Variants in MRPL19 observed in about 807,000 individuals in gnomAD.
The protein encoded by MRPL19 is large ribosomal subunit protein bL19m.
A neutral mutation model predicts 34.0 loss-of-function variants in MRPL19; 31 were observed. That is an observed-to-expected ratio of 0.91 (90% CI 0.68 to 1.23). The LOEUF (loss-of-function observed/expected upper bound fraction) is 1.23. MRPL19 is among the 50% of genes most tolerant of loss of function. The pLI, the probability that MRPL19 is intolerant of heterozygous loss-of-function variation, is 0.00. For missense variants in MRPL19, 384 were observed against 367.6 expected (o/e 1.04, Z -0.37); for synonymous variants, 152 against 127.7 (o/e 1.19, Z -1.28).
intron 1 of MRPL19, 77 bp from the exon 2 acceptor site, chr2:75,647,025 G>C (rs1678236985): frequency 4.7e-6 from 7 of 1,493,468 alleles, no homozygotes. Context: ...GGGACGCCGG[G>C]TTGGGGGAGA....
Position 75,655,196 on chromosome 2 carries a change from T to C in MRPL19, c.790T>C (p.Trp264Arg). 1 of 1,613,646 alleles carries C rather than the reference T, an allele frequency of 6.2e-7. No individual in the cohort carries two copies. Among genetic ancestry groups the C allele is most frequent in the Non-Finnish European group, 8.5e-7 (1 of 1,179,764 alleles). ...AGAAGCTCAGAAGTGGAATCAGCCA[T>C]GGCTTGAATTTGATATGATGAGGGA... The part of the protein sequence containing the change: ...MKEAQKWNQP[W>R]LEFDMMREYD... Residue 264 changes from tryptophan (W) to arginine (R), a missense_variant, in exon 6 of 6, where the codon TGG (tryptophan) becomes CGG (arginine). Coordinates refer to ENST00000393909, the MANE Select transcript of MRPL19 (RefSeq NM_014763.4).
At chr2:75,648,192 G>A (rs1002769097) in intron 2 of MRPL19, among the ~76,000 whole-genome samples, 1 of 152,038 alleles carries the variant, frequency 6.6e-6, no homozygotes, top group Non-Finnish European at 1.5e-5. Context: ...CTTTTAAACA[G>A]TGGCATTTAA....
In MRPL19 at chr2:75,655,305, TA is replaced by T; in HGVS notation, c.*21del. ...TCTTGATTCTGAGAATGAATTTGGTTAGTTGCAGAAGATACATTGGCTCTAA... is the reference window on the plus strand; with the variant it reads ...TCTTGATTCTGAGAATGAATTTGGTTGTTGCAGAAGATACATTGGCTCTAA... On this transcript the variant is annotated 3_prime_UTR_variant, in exon 6 of 6. Coordinates refer to ENST00000393909, the MANE Select transcript of MRPL19 (RefSeq NM_014763.4). The T allele has an allele frequency of 6.3e-7, 1 of 1,578,840 alleles. No individual in the cohort carries two copies.
Position 75,646,807 on chromosome 2 carries a change from C to T in MRPL19, c.-1C>T. 1 of 1,516,148 alleles carries T rather than the reference C, an allele frequency of 6.6e-7. No homozygotes were observed. Among genetic ancestry groups the T allele is most frequent in the Non-Finnish European group, 8.8e-7 (1 of 1,130,986 alleles). 93.9% of individuals were successfully genotyped at this position (1,516,148 alleles called of 1,614,324 possible). A position where few individuals can be genotyped will look rare whatever the true frequency, so the allele number is the denominator to read the frequency against. On this transcript the variant is annotated 5_prime_UTR_variant, in exon 1 of 6. Coordinates refer to ENST00000393909, the MANE Select transcript of MRPL19 (RefSeq NM_014763.4). Reference sequence around the variant, plus strand: ...TGTAGTCTTGACGTGAGCTAGCTGGCATGGCGGCCTGCATTGCAGCGGGGC... The same window carrying T: ...TGTAGTCTTGACGTGAGCTAGCTGGTATGGCGGCCTGCATTGCAGCGGGGC...
In MRPL19 at chr2:75,660,248, GTC is replaced by G. The variant is rs1181630685; in HGVS notation, c.*4967_*4968del. On this transcript the variant is annotated 3_prime_UTR_variant, in exon 6 of 6. Transcript: ENST00000393909. ...ATTGATATTCTCATTTTGTTCATAT[GTC>G]TCTTTCTTCCTTTAGTTCTTTGTCC... Among the ~76,000 whole-genome samples, 1 of 151,940 alleles carries G rather than the reference GTC, an allele frequency of 6.6e-6. No homozygotes were observed. The highest frequency in any genetic ancestry group is 2.4e-5 in the African/African-American group (1 of 41,368).
intron 3 of MRPL19, 46 bp downstream of exon 3, chr2:75,652,306 A>G (rs780886542): frequency 2.0e-5 from 28 of 1,388,018 alleles, no homozygotes; most frequent in Non-Finnish European, 2.7e-5. Flanking sequence ...TAGGATGGCT[A>G]GTTTGTGATT....
At chr2:75,651,278 G>C in intron 2 of MRPL19, 1 of 504,974 alleles carries the variant, frequency 2.0e-6, no homozygotes, top group South Asian at 1.5e-5. Context: ...TCAGGGACAC[G>C]ATGTGCTGCA....
At position 75,655,112 on chromosome 2, in the gene MRPL19, C is replaced by T; in HGVS notation, c.706C>T (p.Pro236Ser). 1 of 1,608,552 alleles carries T rather than the reference C, an allele frequency of 6.2e-7. No individual in the cohort carries two copies. Among genetic ancestry groups the T allele is most frequent in the Middle Eastern group, 1.7e-4 (1 of 5,944 alleles). The stretch of plus-strand genomic sequence containing the variant: ...GCCCTGGTCTAAACGCTGGGAACGT[C>T]CAAATTTTAATATTAAAGGAATCAG... ...PKPWSKRWER[P>S]NFNIKGIRFD... Residue 236 changes from proline (P) to serine (S), a missense_variant, in exon 6 of 6, where the codon CCA becomes TCA. Pro to Ser is a moderately conservative substitution (Grantham distance 74). Coordinates refer to ENST00000393909, the MANE Select transcript of MRPL19 (RefSeq NM_014763.4).
At position 75,646,850 on chromosome 2, in the gene MRPL19, C is replaced by G. The variant is rs1678231247; in HGVS notation, c.43C>G (p.Leu15Val). Residue 15 changes from leucine (L) to valine (V), a missense_variant, in exon 1 of 6, where the codon CTA becomes GTA. By Grantham distance (32) the Leu-to-Val change is conservative. Transcript: ENST00000393909. ...AGCGGGGCACTGGGCTGCAATGGGC[C>G]TAGGCCGGAGTTTCCAAGCCGCCAG... ...IAAGHWAAMG[L>V]GRSFQAARTL... 1 of 1,596,782 alleles carries G rather than the reference C, an allele frequency of 6.3e-7. No individual in the cohort carries two copies. Among genetic ancestry groups the G allele is most frequent in the Non-Finnish European group, 8.5e-7 (1 of 1,172,324 alleles).
intron 2 of MRPL19, among the ~76,000 whole-genome samples, chr2:75,650,916 C>A (rs1290359729): frequency 6.6e-6 from 1 of 152,130 alleles, no homozygotes; most frequent in Non-Finnish European, 1.5e-5. Context: ...ACAGCACCTT[C>A]TGATTGGAAG....
In MRPL19 at chr2:75,655,787, TATC is replaced by T. The variant is rs1240673416; in HGVS notation, c.*506_*508del. 1 of 152,156 alleles carries T rather than the reference TATC, an allele frequency of 6.6e-6. No homozygotes were observed. The highest frequency in any genetic ancestry group is 2.4e-5 in the African/African-American group (1 of 41,398). The allele number at this position is 152,156 out of a possible 1,614,324, so 9.4% of individuals were successfully genotyped here. ...TATCTCTCTCCTTTTTAAATGTAAA[TATC>T]ATCTTGACTTGTTAATTATTCCCTT... On this transcript the variant is annotated 3_prime_UTR_variant, in exon 6 of 6. Transcript: ENST00000393909.
intron 2 of MRPL19, among the ~76,000 whole-genome samples, chr2:75,648,687 C>T (rs1303169577): frequency 2.7e-5 from 4 of 150,620 alleles, no homozygotes; most frequent in Admixed American, 2.0e-4. Flanking sequence ...GCGAAACCCC[C>T]ATTTCTACTA....
Position 75,655,114 on chromosome 2 carries a change from A to G in MRPL19, c.708A>G (p.Pro236=), listed in dbSNP as rs1226390185. 2.0e-5 allele frequency: 32 copies of G among 1,612,340 alleles called. No homozygotes were observed. Among genetic ancestry groups the G allele is most frequent in the Non-Finnish European group, 2.7e-5 (32 of 1,179,544 alleles). ...PKPWSKRWER[P]NFNIKGIRFD... is the part of the protein sequence containing the mutation. The stretch of plus-strand genomic sequence containing the variant: ...CCTGGTCTAAACGCTGGGAACGTCC[A>G]AATTTTAATATTAAAGGAATCAGAT... The change falls in exon 6 of 6, where the codon CCA becomes CCG. Residue 236 remains proline (P), a synonymous_variant. Transcript: ENST00000393909.
Position 75,655,179 on chromosome 2 carries a change from A to T in MRPL19, c.773A>T (p.Gln258Leu). Residue 258 changes from glutamine to leucine, a missense_variant, in exon 6 of 6, where the codon CAG becomes CTG. Gln to Leu is a moderately radical substitution (Grantham distance 113). Transcript: ENST00000393909. Reference protein sequence around the residue: ...CLTEQQMKEAQKWNQPWLEFD... With the variant: ...CLTEQQMKEALKWNQPWLEFD... ...ACTGAACAGCAAATGAAAGAAGCTC[A>T]GAAGTGGAATCAGCCATGGCTTGAA... The T allele has an allele frequency of 6.2e-7, 1 of 1,613,462 alleles. No individual in the cohort carries two copies. Among genetic ancestry groups the T allele is most frequent in the South Asian group, 1.1e-5 (1 of 91,054 alleles).
chr2:75,652,530 T>A lies in MRPL19; in HGVS notation c.348T>A (p.Ile116=), dbSNP rs1558720083. Residue 116 remains isoleucine (I), a synonymous_variant, in exon 4 of 6, where the codon ATT becomes ATA. Transcript: ENST00000393909. ...LHIPEFYVGS[I]LRVTTADPYA... is the part of the protein sequence containing the mutation. ...TCTCTTTTGAATTTGTAGGAAGTATTCTTCGTGTTACTACAGCTGACCCAT... is the reference window on the plus strand; with the variant it reads ...TCTCTTTTGAATTTGTAGGAAGTATACTTCGTGTTACTACAGCTGACCCAT... 1 of 1,610,886 alleles carries A rather than the reference T, an allele frequency of 6.2e-7. No homozygotes were observed. The highest frequency in any genetic ancestry group is 2.2e-5 in the East Asian group (1 of 44,824).
rs1678519204 is a variant in MRPL19, at chr2:75,658,540, T to C, written c.*3255T>C. On this transcript the variant is annotated 3_prime_UTR_variant, in exon 6 of 6. Transcript: ENST00000393909. ...CATCTTGAGTAGAATTGCTAGATAA[T>C]GTCATGTTTTATTTCTCTTGTGATT... Among the ~76,000 whole-genome samples the C allele has an allele frequency of 1.3e-5, 2 of 152,176 alleles. No individual in the cohort carries two copies. Among genetic ancestry groups the C allele is most frequent in the Admixed American group, 6.5e-5 (1 of 15,270 alleles).
At chr2:75,651,045 T>A (rs923961998) in intron 2 of MRPL19, among the ~76,000 whole-genome samples, 1 of 152,156 alleles carries the variant, frequency 6.6e-6, no homozygotes, top group Non-Finnish European at 1.5e-5. Flanking sequence ...TTACTGTGCC[T>A]AAGAGAAAGG....
Position 75,655,912 on chromosome 2 carries a change from G to C in MRPL19, c.*627G>C, listed in dbSNP as rs1678440425. ...AAAAACCTGTTAGCAAGTATAAAGG[G>C]GCAGTATTACTATTATTGCATGAAG... On this transcript the variant is annotated 3_prime_UTR_variant, in exon 6 of 6. Transcript: ENST00000393909. 1 of 151,990 alleles carries C rather than the reference G, an allele frequency of 6.6e-6. No homozygotes were observed. The highest frequency in any genetic ancestry group is 6.6e-5 in the Admixed American group (1 of 15,252). The allele number at this position is 151,990 out of a possible 1,614,324, so 9.4% of individuals were successfully genotyped here.
intron 1 of MRPL19, 88 bp downstream of exon 1, chr2:75,646,998 C>T (rs957494811): frequency 3.1e-5 from 46 of 1,482,208 alleles, no homozygotes; most frequent in Middle Eastern, 1.8e-4. Flanking sequence ...GAGGCAACCC[C>T]AGCGTTGGTC....
Sources: gnomAD v4.1 joint callset for allele counts (sites outside exome capture counted in the v4.1 genomes callset) on GRCh38, gnomAD v4.1.1 for gene constraint, MANE v1.5 for transcripts, NCBI Gene and HGNC (gene_info 2026-07-23, HGNC 2026-07-21) for gene names.